The following CLEC16A variants were observed in gnomAD, a reference collection of about 807,000 sequenced individuals.
CLEC16A encodes protein CLEC16A.
Under a neutral mutation model 109.5 loss-of-function variants are expected in CLEC16A, and 51 were observed. That is an observed-to-expected ratio of 0.47 (90% confidence interval 0.37 to 0.59). The LOEUF is 0.59. Ranked by LOEUF, CLEC16A falls within the 20% of genes least tolerant of loss-of-function variation. The probability of loss-of-function intolerance (pLI) is 0.00; values close to 1 mark genes in which losing one functional copy is unlikely to be tolerated. For missense variants in CLEC16A, 1,339 were observed against 1,394.0 expected, an observed-to-expected ratio of 0.96 and a Z score of 0.63; for synonymous variants, 673 against 564.2, an observed-to-expected ratio of 1.19 and a Z score of -2.73.
At chr16:10,980,660 C>T (rs1276632816) in intron 9 of CLEC16A, among the ~76,000 whole-genome samples, 1 of 152,128 alleles carries the variant, frequency 6.6e-6, no homozygotes, top group Admixed American at 6.5e-5. Flanking sequence ...GTAGCCCATG[C>T]ACCCAATTAC....
rs1423640414 is a variant in CLEC16A at position 11,135,671 on chromosome 16, C to T, written c.2641+9525C>T. On this transcript the variant is annotated intron_variant, in intron 22 of 23. Transcript: ENST00000409790. The stretch of plus-strand genomic sequence containing the variant: ...CTCCCTGGTTGCTAATAGAGAAGCC[C>T]GTGCAGTAGGTGGGGGGAGAGAACA... Among the ~76,000 whole-genome samples the T allele has an allele frequency of 2.6e-5, 4 of 152,196 alleles. 1 individual carries two copies. The highest frequency in any genetic ancestry group is 4.1e-4 in the South Asian group (2 of 4,826).
At chr16:10,975,362 C>G (rs778691215) in intron 7 of CLEC16A, among the ~76,000 whole-genome samples, 1 of 152,106 alleles carries the variant, frequency 6.6e-6, no homozygotes, top group African/African-American at 2.4e-5. Context: ...GGAGGCGAGT[C>G]TGGGCCAGGA....
Position 11,178,657 on chromosome 16 carries a change from A to C in CLEC16A, c.3129A>C (p.Ala1043=), listed in dbSNP as rs755332838. Residue 1043 remains alanine, a synonymous_variant, in exon 24 of 24, where the codon GCA becomes GCC. Coordinates refer to ENST00000409790, the MANE Select transcript of CLEC16A (RefSeq NM_015226.3). The surrounding 1 kb of genome is among the most constrained non-coding windows in gnomAD (Gnocchi z 6.5). ...CAGAGCCCGTGGGCGAAGAGGCTGC[A>C]TGTGCTGAGCCTGTGGGCACCGCTG... is the stretch of plus-strand genomic sequence containing the variant. ...ACTEPVGEEA[A]CAEPVGTAED 6 of 1,554,366 alleles carry C rather than the reference A, an allele frequency of 3.9e-6. No homozygotes were observed. The highest frequency in any genetic ancestry group is 2.3e-5 in the East Asian group (1 of 42,838).
chr16:11,037,127 G>A (rs1393631095), intron 13 of CLEC16A, among the ~76,000 whole-genome samples: 5 of 152,168 alleles, frequency 3.3e-5, no homozygotes, highest in African/African-American at 4.8e-5. Context: ...GCACCCCACC[G>A]CTAGGCTTCT....
intron 16 of CLEC16A, among the ~76,000 whole-genome samples, chr16:11,044,524 C>T (rs1459891013): frequency 6.6e-6 from 1 of 152,170 alleles, no homozygotes; most frequent in East Asian, 1.9e-4. Flanking sequence ...AAACCTTATA[C>T]AGACTTCTAA....
chr16:11,008,520 C>T (rs1260851146), intron 11 of CLEC16A, among the ~76,000 whole-genome samples: 1 of 152,060 alleles, frequency 6.6e-6, no homozygotes, highest in African/African-American at 2.4e-5. Flanking sequence ...GTGCTGAGGG[C>T]CCTCAGGACT....
intron 22 of CLEC16A, among the ~76,000 whole-genome samples, chr16:11,156,164 C>A (rs1459291032): frequency 2.0e-5 from 3 of 152,080 alleles, no homozygotes; most frequent in South Asian, 4.2e-4. Context: ...GAGTTTGAGA[C>A]CAGCCTGGCC....
chr16:11,043,227 T>C (rs1278805237), intron 15 of CLEC16A, among the ~76,000 whole-genome samples: 3 of 152,196 alleles, frequency 2.0e-5, no homozygotes, highest in South Asian at 2.1e-4. Context: ...GAGACTAGTC[T>C]GGACAACATA....
chr16:11,026,101 A>G (rs1407956742), intron 13 of CLEC16A, among the ~76,000 whole-genome samples: 3 of 152,206 alleles, frequency 2.0e-5, no homozygotes, highest in South Asian at 4.1e-4. Context: ...GGATTTTTGC[A>G]TCTATGTTCA....
chr16:11,069,031 C>T (rs575039096), intron 19 of CLEC16A, among the ~76,000 whole-genome samples: 95 of 149,948 alleles, frequency 6.3e-4, no homozygotes, highest in African/African-American at 2.3e-3. Flanking sequence ...TGGGGTTACA[C>T]CATGTTGGCC....
chr16:11,096,531 C>G (rs932889032), intron 19 of CLEC16A, among the ~76,000 whole-genome samples: 3 of 152,142 alleles, frequency 2.0e-5, no homozygotes, highest in Admixed American at 6.5e-5. Flanking sequence ...AAAGTATTAT[C>G]TATTCACTGT....
intron 18 of CLEC16A, among the ~76,000 whole-genome samples, chr16:11,060,698 A>G (rs1019028452): frequency 1.3e-4 from 20 of 150,874 alleles, no homozygotes; most frequent in African/African-American, 4.7e-4. Context: ...TGAATAACTG[A>G]AAACAGGCTA....
rs184714696 is a variant in CLEC16A, at chr16:11,078,179, G to A, written c.2116+17157G>A. Among the ~76,000 whole-genome samples the A allele has an allele frequency of 7.5e-5, 8 of 106,018 alleles. 1 individual carries two copies. The East Asian group carries it at 1.1e-3, about 15-fold the overall frequency. The allele number at this position is 106,018 out of a possible 152,430, so 69.6% of individuals were successfully genotyped here. On this transcript the variant is annotated intron_variant, in intron 19 of 23. Transcript: ENST00000409790. ...GGCCAGGACAGAGCTGTGACCAAGC[G>A]TGAGGGTGGGTGGTGCGAAGGCCCT...
At chr16:10,944,951 G>A (rs908495960) in intron 1 of CLEC16A, among the ~76,000 whole-genome samples, 154 bp downstream of exon 1, 8 of 152,236 alleles carry the variant, frequency 5.3e-5, no homozygotes, top group African/African-American at 1.9e-4. Flanking sequence ...GGGAGTCAGG[G>A]CGCCTGGGTT....
At chr16:11,063,997 G>A (rs527763343) in intron 19 of CLEC16A, among the ~76,000 whole-genome samples, 1 of 151,416 alleles carries the variant, frequency 6.6e-6, no homozygotes, top group East Asian at 1.9e-4. Context: ...GGGAAGGGAG[G>A]GAAGGGAAGA....
chr16:11,000,655 G>T lies in CLEC16A; in HGVS notation c.1072-2419G>T, dbSNP rs548821512. 5.9e-5 allele frequency among the ~76,000 whole-genome samples: 9 copies of T among 152,234 alleles called. No homozygotes were observed. In the South Asian group the frequency reaches 1.9e-3, roughly 32 times the overall value. ...CATCTGGGGGCCCTCGGTTATTGGC[G>T]TCTGTAATACGCTATCTGGGTTTCC... On this transcript the variant is annotated intron_variant, in intron 10 of 23. Transcript: ENST00000409790.
intron 19 of CLEC16A, among the ~76,000 whole-genome samples, chr16:11,094,968 C>T (rs765002977): frequency 6.6e-6 from 1 of 152,208 alleles, no homozygotes; most frequent in Non-Finnish European, 1.5e-5. Flanking sequence ...TGGGCTCCCT[C>T]AGTACCTGTG....
chr16:10,951,352 G>C (rs981683200), intron 1 of CLEC16A, among the ~76,000 whole-genome samples: 2 of 152,158 alleles, frequency 1.3e-5, no homozygotes, highest in African/African-American at 4.8e-5. Flanking sequence ...AGATCTGATA[G>C]TATTTTCATG....
Position 11,047,353 on chromosome 16 carries a change from G to T in CLEC16A, c.1866+11G>T. 6.2e-7 allele frequency: 1 copy of T among 1,603,268 alleles called. No individual in the cohort carries two copies. The highest frequency in any genetic ancestry group is 1.1e-5 in the South Asian group (1 of 89,142). ...TATAGGAGCATGACAGTAAGTGAGG[G>T]GCTGGGACACACTTGGGCTGGTGTG... is the stretch of plus-strand genomic sequence containing the variant. On this transcript the variant is annotated intron_variant, in intron 17 of 23. Transcript: ENST00000409790.
Sources: allele counts gnomAD v4.1 joint callset (sites outside exome capture counted in the v4.1 genomes callset), GRCh38; gene constraint gnomAD v4.1.1; non-coding constraint Gnocchi (gnomAD v3.1); transcripts MANE v1.5; gene names NCBI Gene and HGNC (gene_info 2026-07-23, HGNC 2026-07-21).